Variants in STX18 observed in about 807,000 individuals in gnomAD.
STX18 encodes syntaxin-18.
STX18 carries 40 observed loss-of-function variants against 50.1 expected under a neutral mutation model. The ratio of observed to expected loss-of-function variants is 0.80; its 90% CI spans 0.62 to 1.04. The LOEUF (loss-of-function observed/expected upper bound fraction) is 1.04. STX18 is among the 50% of genes least tolerant of loss of function. The probability of loss-of-function intolerance (pLI) is 0.00; values close to 1 mark genes in which losing one functional copy is unlikely to be tolerated. For missense variants in STX18, 410 were observed against 415.8 expected (o/e 0.99, Z 0.12); for synonymous variants, 158 against 151.8 (o/e 1.04, Z -0.30).
At chr4:4,423,724 G>A in intron 8 of STX18, 137 bp from the exon 9 acceptor site, 2 of 817,862 alleles carry the variant, frequency 2.4e-6, no homozygotes, top group Non-Finnish European at 3.9e-6. Context: ...GCTGGGGGAA[G>A]AGGAGATGGG....
chr4:4,440,377 G>A (rs1363458998), intron 5 of STX18, among the ~76,000 whole-genome samples: 1 of 152,232 alleles, frequency 6.6e-6, no homozygotes, highest in Non-Finnish European at 1.5e-5. Flanking sequence ...TAACAAAGGA[G>A]GAAACTGAGG....
chr4:4,458,532 A>G (rs902858587), intron 3 of STX18, among the ~76,000 whole-genome samples: 6 of 152,240 alleles, frequency 3.9e-5, no homozygotes, highest in Admixed American at 1.3e-4. Flanking sequence ...GCACAACAGC[A>G]TCTGGCAGCT....
intron 5 of STX18, among the ~76,000 whole-genome samples, chr4:4,450,822 C>A (rs1047655890): frequency 1.3e-5 from 2 of 152,204 alleles, no homozygotes; most frequent in African/African-American, 4.8e-5. Context: ...TCAGGACTGA[C>A]TTCTTCAGGA....
At chr4:4,473,582 C>T (rs952819526) in intron 1 of STX18, among the ~76,000 whole-genome samples, 6 of 152,096 alleles carry the variant, frequency 3.9e-5, no homozygotes, top group African/African-American at 1.2e-4. Flanking sequence ...CGTGAGCCAC[C>T]GCGCCCGGTC....
intron 1 of STX18, among the ~76,000 whole-genome samples, chr4:4,501,925 A>G (rs978284248): frequency 5.3e-5 from 8 of 152,252 alleles, no homozygotes; most frequent in Non-Finnish European, 1.0e-4. Context: ...TATATTAAAG[A>G]TAAGGTTTCC....
chr4:4,538,198 C>A (rs1731428903), intron 1 of STX18, among the ~76,000 whole-genome samples: 1 of 151,812 alleles, frequency 6.6e-6, no homozygotes, highest in African/African-American at 2.4e-5. Flanking sequence ...ACTTGAATGT[C>A]AAGCCTAATA....
chr4:4,487,063 T>G (rs1330063243), intron 1 of STX18, among the ~76,000 whole-genome samples: 2 of 151,542 alleles, frequency 1.3e-5, no homozygotes, highest in Admixed American at 6.6e-5. Context: ...CTTCAGAGGC[T>G]TTTGGTTCAT....
chr4:4,450,156 G>A (rs1010739369), intron 5 of STX18, among the ~76,000 whole-genome samples: 9 of 152,080 alleles, frequency 5.9e-5, no homozygotes, highest in South Asian at 2.1e-4. Context: ...TCATACACGC[G>A]TATAAATGTG....
rs532398789 is a variant in STX18, at chr4:4,423,018, TC to T, written c.831+499del. 1.1e-3 allele frequency among the ~76,000 whole-genome samples: 163 copies of T among 152,326 alleles called. 1 individual carries two copies. Among genetic ancestry groups the T allele is most frequent in the South Asian group, 5.0e-3 (24 of 4,826 alleles). On this transcript the variant is annotated intron_variant, in intron 9 of 10. Coordinates refer to ENST00000306200, the MANE Select transcript of STX18 (RefSeq NM_016930.4). Reference sequence around the variant, plus strand: ...AATCCTATTTCCCACGCAGACACCATCCCTGAGGTGGCATGGACCGCGCGTT... The same window carrying T: ...AATCCTATTTCCCACGCAGACACCATCCTGAGGTGGCATGGACCGCGCGTT...
chr4:4,539,500 G>A (rs1731482984), intron 1 of STX18, among the ~76,000 whole-genome samples: 1 of 152,136 alleles, frequency 6.6e-6, no homozygotes, highest in African/African-American at 2.4e-5. Context: ...AATACACAAA[G>A]CAATGACAAC....
In STX18 at chr4:4,459,362, A is replaced by T; in HGVS notation, c.352+10T>A. The T allele has an allele frequency of 6.2e-7, 1 of 1,602,126 alleles. No homozygotes were observed. Among genetic ancestry groups the T allele is most frequent in the Non-Finnish European group, 8.6e-7 (1 of 1,169,550 alleles). On this transcript the variant is annotated intron_variant, in intron 3 of 10. Coordinates refer to ENST00000306200, the MANE Select transcript of STX18 (RefSeq NM_016930.4). ...ATGGTTGCTTGTTTGCATCTTTCAG[A>T]GCACTTTACCTTCTGTTCGTAGTTG... is the stretch of plus-strand genomic sequence containing the variant.
chr4:4,533,659 A>C (rs528861437), intron 1 of STX18, among the ~76,000 whole-genome samples: 98 of 152,342 alleles, frequency 6.4e-4, no homozygotes, highest in African/African-American at 2.1e-3. Flanking sequence ...CTCTAGCCTC[A>C]ATATGTAGAA....
chr4:4,467,427 C>T (rs1356843999), intron 2 of STX18, among the ~76,000 whole-genome samples: 1 of 152,168 alleles, frequency 6.6e-6, no homozygotes, highest in South Asian at 2.1e-4. Flanking sequence ...TCATAACTTT[C>T]TCACTGTTAC....
At chr4:4,502,030 C>A (rs1448852833) in intron 1 of STX18, among the ~76,000 whole-genome samples, 2 of 152,150 alleles carry the variant, frequency 1.3e-5, no homozygotes, top group Non-Finnish European at 2.9e-5. Context: ...GCATTAAGAA[C>A]CTGCACATTA....
chr4:4,524,247 A>G (rs1470494850), intron 1 of STX18, among the ~76,000 whole-genome samples: 3 of 152,200 alleles, frequency 2.0e-5, no homozygotes, highest in African/African-American at 7.2e-5. Flanking sequence ...GAATGGGCAC[A>G]ATTTTGAATG....
chr4:4,433,229 G>A (rs989013855), intron 7 of STX18, among the ~76,000 whole-genome samples: 1 of 152,228 alleles, frequency 6.6e-6, no homozygotes, highest in African/African-American at 2.4e-5. Flanking sequence ...TTGGGATAGA[G>A]AAGGCATTCA....
chr4:4,507,484 A>T, intron 1 of STX18: 1 of 764,156 alleles, frequency 1.3e-6, no homozygotes, highest in Admixed American at 1.7e-5. Flanking sequence ...TATTATCTTT[A>T]TCGCTCAGAG....
chr4:4,482,813 A>T (rs1244521646), intron 1 of STX18, among the ~76,000 whole-genome samples: 1 of 152,244 alleles, frequency 6.6e-6, no homozygotes, highest in East Asian at 1.9e-4. Flanking sequence ...CCTTGAGGCA[A>T]GCTGTAAGTG....
chr4:4,501,166 C>G (rs79585829), intron 1 of STX18, among the ~76,000 whole-genome samples: 3,620 of 152,320 alleles, frequency 0.024, 67 homozygotes, highest in Middle Eastern at 0.041. Flanking sequence ...TTTTGCTAAA[C>G]TATACCAGAG....
Sources: gnomAD v4.1 joint callset for allele counts (sites outside exome capture counted in the v4.1 genomes callset) on GRCh38, gnomAD v4.1.1 for gene constraint, MANE v1.5 for transcripts, NCBI Gene and HGNC (gene_info 2026-07-23, HGNC 2026-07-21) for gene names.